LRRC31: variants seen among roughly 807,000 people sequenced by gnomAD.
LRRC31 encodes leucine rich repeat containing 31.
LRRC31 carries 35 observed loss-of-function variants against 46.7 expected under a neutral mutation model. The ratio of observed to expected loss-of-function variants is 0.75; its 90% CI spans 0.57 to 0.99. The LOEUF is 0.99. LRRC31 is among the 50% of genes least tolerant of loss of function. The pLI is 0.00. For synonymous variants in LRRC31, 236 were observed against 235.1 expected (o/e 1.00, Z -0.03); for missense variants, 613 against 626.1 (o/e 0.98, Z 0.22).
chr3:169,845,109 A>G (rs1780565716), intron 8 of LRRC31, among the ~76,000 whole-genome samples: 1 of 152,184 alleles, frequency 6.6e-6, no homozygotes, highest in African/African-American at 2.4e-5. Context: ...AACATTGGGA[A>G]TCTAAAATTA....
chr3:169,855,049 G>C (rs950529033), intron 5 of LRRC31, 69 bp from the exon 6 acceptor site: 2 of 1,338,118 alleles, frequency 1.5e-6, no homozygotes, highest in Non-Finnish European at 2.1e-6. Context: ...CCAGCTGCTA[G>C]GGAGACCAAG....
intron 8 of LRRC31, among the ~76,000 whole-genome samples, chr3:169,843,765 A>G (rs1449116035): frequency 2.6e-5 from 4 of 152,240 alleles, no homozygotes; most frequent in Non-Finnish European, 5.9e-5. Flanking sequence ...TATCAATATC[A>G]GGAATGAGAC....
In LRRC31 at chr3:169,851,647, A is replaced by G. The variant is rs1478283923; in HGVS notation, c.1131T>C (p.Ala377=). The G allele has an allele frequency of 6.2e-7, 1 of 1,614,118 alleles. No individual in the cohort carries two copies. Among genetic ancestry groups the G allele is most frequent in the South Asian group, 1.1e-5 (1 of 91,076 alleles). Residue 377 remains alanine, a synonymous_variant, in exon 7 of 9, where the codon GCT becomes GCC. Coordinates refer to ENST00000316428, the MANE Select transcript of LRRC31 (RefSeq NM_024727.4). The stretch of plus-strand genomic sequence containing the variant: ...GAGCTGTAAAAGTCTCACTCTCCAA[A>G]GCACAGTTGTTGATAACTAATGACT... ...ALKSLVINNC[A]LESETFTALA...
chr3:169,846,101 T>C (rs1329163651), intron 8 of LRRC31, among the ~76,000 whole-genome samples: 2 of 152,178 alleles, frequency 1.3e-5, no homozygotes, highest in Admixed American at 6.5e-5. Flanking sequence ...AATACACACA[T>C]AAAAAGATGT....
At chr3:169,844,357 A>T (rs1395562239) in intron 8 of LRRC31, among the ~76,000 whole-genome samples, 1 of 152,158 alleles carries the variant, frequency 6.6e-6, no homozygotes, top group Non-Finnish European at 1.5e-5. Flanking sequence ...TAGTTTTTTT[A>T]AATGCTCATC....
intron 1 of LRRC31, among the ~76,000 whole-genome samples, chr3:169,868,701 G>A (rs1182540481): frequency 1.3e-5 from 2 of 152,172 alleles, no homozygotes; most frequent in African/African-American, 2.4e-5. Context: ...ACATTTTTCT[G>A]TAGTGTTATA....
At chr3:169,869,564 A>G (rs1781427493) in intron 1 of LRRC31, 69 bp downstream of exon 1, 4 of 1,384,612 alleles carry the variant, frequency 2.9e-6, no homozygotes, top group Non-Finnish European at 3.9e-6. Flanking sequence ...TAAAAATAAA[A>G]ATATTTTAAA....
chr3:169,864,248 C>G (rs1205281996), intron 1 of LRRC31, among the ~76,000 whole-genome samples: 1 of 152,136 alleles, frequency 6.6e-6, no homozygotes, highest in African/African-American at 2.4e-5. Flanking sequence ...TCCTTCCCCA[C>G]ATTTACAAGC....
Position 169,840,305 on chromosome 3 carries a change from T to C in LRRC31, c.1336A>G (p.Ile446Val). 4 of 1,614,140 alleles carry C rather than the reference T, an allele frequency of 2.5e-6. No homozygotes were observed. The highest frequency in any genetic ancestry group is 3.4e-6 in the Non-Finnish European group (4 of 1,180,008). ...AGTTTGGCCAGATGACCCGTCTGTA[T>C]GACCGATGCTGGAAAACAGAATCAC... The part of the protein sequence containing the change: ...TEDVALLASV[I>V]QTGHLAKLQK... The change falls in exon 9 of 9, where the codon ATA (isoleucine) becomes GTA (valine). Residue 446 changes from isoleucine to valine, a missense_variant. By Grantham distance (29) the Ile-to-Val change is conservative. Transcript: ENST00000316428.
rs1324742082 is a variant in LRRC31, at chr3:169,840,254, C to G, written c.1387G>C (p.Asp463His). The change falls in exon 9 of 9, where the codon GAC becomes CAC. Residue 463 changes from aspartate (D) to histidine (H), a missense_variant. Transcript: ENST00000316428. Reference sequence around the variant, plus strand: ...GTCCACCCCGCATCACAGATGCTGTCATTGTAGCTCAGGTCCAGCTTTTGC... The same window carrying G: ...GTCCACCCCGCATCACAGATGCTGTGATTGTAGCTCAGGTCCAGCTTTTGC... ...KLQKLDLSYN[D>H]SICDAGWTMF... The G allele has an allele frequency of 6.2e-7, 1 of 1,614,006 alleles. No homozygotes were observed. The highest frequency in any genetic ancestry group is 1.3e-5 in the African/African-American group (1 of 74,920).
In LRRC31 at chr3:169,860,572, A is replaced by G. The variant is rs1218500813; in HGVS notation, c.476T>C (p.Val159Ala). The G allele has an allele frequency of 6.2e-7, 1 of 1,613,956 alleles. No individual in the cohort carries two copies. Among genetic ancestry groups the G allele is most frequent in the East Asian group, 2.2e-5 (1 of 44,882 alleles). Residue 159 changes from valine to alanine, a missense_variant, in exon 3 of 9, where the codon GTT (valine) becomes GCT (alanine). Coordinates refer to ENST00000316428, the MANE Select transcript of LRRC31 (RefSeq NM_024727.4). Reference protein sequence around the residue: ...LGSCRLTTDDVQALGEAFEMI... With the variant: ...LGSCRLTTDDAQALGEAFEMI... Reference sequence around the variant, plus strand: ...TGCATTCATCATACCCAGTGCTTGAACATCGTCAGTGGTGAGTCTGCAGCT... The same window carrying G: ...TGCATTCATCATACCCAGTGCTTGAGCATCGTCAGTGGTGAGTCTGCAGCT...
In LRRC31 at chr3:169,840,298, G is replaced by A. The variant is rs190650007; in HGVS notation, c.1343C>T (p.Thr448Met). The A allele has an allele frequency of 1.7e-4, 267 of 1,614,106 alleles. No homozygotes were observed. In the African/African-American group the frequency reaches 2.1e-3, roughly 12 times the overall value. The change falls in exon 9 of 9, where the codon ACG (threonine) becomes ATG (methionine). Residue 448 changes from threonine to methionine, a missense_variant. Thr to Met is a moderately conservative substitution (Grantham distance 81). Transcript: ENST00000316428. The stretch of plus-strand genomic sequence containing the variant: ...CTTTTGCAGTTTGGCCAGATGACCC[G>A]TCTGTATGACCGATGCTGGAAAACA... The part of the protein sequence containing the change: ...DVALLASVIQ[T>M]GHLAKLQKLD...
At chr3:169,856,084 T>C (rs1398269068) in intron 5 of LRRC31, among the ~76,000 whole-genome samples, 3 of 151,734 alleles carry the variant, frequency 2.0e-5, no homozygotes, top group Admixed American at 6.6e-5. Flanking sequence ...GGTTTCACCA[T>C]GTTGGCCAGG....
At chr3:169,866,805 C>G (rs890743605) in intron 1 of LRRC31, among the ~76,000 whole-genome samples, 15 of 151,840 alleles carry the variant, frequency 9.9e-5, no homozygotes, top group African/African-American at 3.6e-4. Context: ...ACTAAAAATA[C>G]AAAAAAATTA....
chr3:169,862,228 G>A (rs574988065), intron 1 of LRRC31, among the ~76,000 whole-genome samples: 1 of 152,324 alleles, frequency 6.6e-6, no homozygotes, highest in East Asian at 1.9e-4. Context: ...GTGAAGAAGG[G>A]AAAGCGTTGA....
chr3:169,860,160 A>AAATAAC (rs1405038005), intron 3 of LRRC31, among the ~76,000 whole-genome samples: 3 of 151,626 alleles, frequency 2.0e-5, no homozygotes, highest in Admixed American at 6.6e-5. Context: ...ATAAAAATAA[A>AAATAAC]AATAAATAAA....
At chr3:169,844,905 C>T (rs1208228936) in intron 8 of LRRC31, among the ~76,000 whole-genome samples, 5 of 143,198 alleles carry the variant, frequency 3.5e-5, no homozygotes, top group Non-Finnish European at 7.5e-5. Context: ...GCACTCCAGC[C>T]TGGTGACAGA....
intron 1 of LRRC31, 119 bp from the exon 2 acceptor site, chr3:169,861,932 C>G: frequency 9.1e-7 from 1 of 1,103,426 alleles, no homozygotes; most frequent in Non-Finnish European, 1.3e-6. Flanking sequence ...TTTATAAAAA[C>G]CTCAACTCAG....
At chr3:169,848,331 T>G (rs759705969) in intron 7 of LRRC31, 44 bp from the exon 8 acceptor site, 29 of 1,580,654 alleles carry the variant, frequency 1.8e-5, no homozygotes, top group Admixed American at 5.1e-5. Flanking sequence ...TAGGATTTCT[T>G]ACAGATCATA....
Sources: gnomAD v4.1 joint callset for allele counts (sites outside exome capture counted in the v4.1 genomes callset) on GRCh38, gnomAD v4.1.1 for gene constraint, MANE v1.5 for transcripts, NCBI Gene and HGNC (gene_info 2026-07-23, HGNC 2026-07-21) for gene names.